EP300: variants seen among roughly 807,000 people sequenced by gnomAD.
The protein encoded by EP300 is EP300 lysine acetyltransferase.
In EP300, 31 loss-of-function variants were observed where a neutral mutation model predicts 264.0. That is an observed-to-expected ratio of 0.12 (90% confidence interval 0.09 to 0.16). The LOEUF is 0.16. Among genes scored for constraint, EP300 ranks in the 10% least tolerant of loss-of-function variants. EP300 has a pLI of 1.00. For missense variants in EP300, 2,766 were observed against 3,052.9 expected, an observed-to-expected ratio of 0.91 and a Z score of 2.21; for synonymous variants, 1,340 against 1,045.4, an observed-to-expected ratio of 1.28 and a Z score of -5.44.
rs536918184 is a variant in EP300, at chr22:41,116,543, C to T, written c.95-644C>T. On this transcript the variant is annotated intron_variant, in intron 1 of 30. Transcript: ENST00000263253. Reference sequence around the variant, plus strand: ...GTCCCTGCAAAGGACATGAACTCATCCTTTTTTATGGCTGCATAGTATTCC... The same window carrying T: ...GTCCCTGCAAAGGACATGAACTCATTCTTTTTTATGGCTGCATAGTATTCC... Among the ~76,000 whole-genome samples, 5 of 152,244 alleles carry T rather than the reference C, an allele frequency of 3.3e-5. No homozygotes were observed. The East Asian group carries it at 7.7e-4, about 23-fold the overall frequency.
intron 20 of EP300, among the ~76,000 whole-genome samples, 190 bp downstream of exon 20, chr22:41,160,912 A>G (rs1284849891): frequency 1.3e-5 from 2 of 152,264 alleles, no homozygotes; most frequent in Admixed American, 6.5e-5. Flanking sequence ...TCAACTGTTC[A>G]GTAGCTATCT....
intron 3 of EP300, chr22:41,126,394 G>A (rs1002006812): frequency 5.7e-5 from 13 of 227,894 alleles, no homozygotes; most frequent in African/African-American, 2.5e-4. Flanking sequence ...CAAAGGATCC[G>A]AACTCTCAGT....
intron 1 of EP300, among the ~76,000 whole-genome samples, chr22:41,115,504 C>G (rs1419949625): frequency 6.6e-6 from 1 of 152,176 alleles, no homozygotes; most frequent in Non-Finnish European, 1.5e-5. Flanking sequence ...GCAGTTAAAG[C>G]TCACTACAAC....
rs564786569 is a variant in EP300 at position 41,149,155 on chromosome 22, G to T, written c.2359G>T (p.Gly787Cys). The T allele has an allele frequency of 1.2e-6, 2 of 1,613,792 alleles. No homozygotes were observed. Among genetic ancestry groups the T allele is most frequent in the South Asian group, 2.2e-5 (2 of 91,072 alleles). ...VTNIPLAPSS[G>C]QAPVSQAQMS... Reference sequence around the variant, plus strand: ...AAATATCCCTTTGGCTCCGTCCAGCGGTCAAGCTCCAGTGTCTCAAGTATG... The same window carrying T: ...AAATATCCCTTTGGCTCCGTCCAGCTGTCAAGCTCCAGTGTCTCAAGTATG... Residue 787 changes from glycine (G) to cysteine (C), a missense_variant, in exon 13 of 31, where the codon GGT (glycine) becomes TGT (cysteine). Gly to Cys is a radical substitution (Grantham distance 159). Coordinates refer to ENST00000263253, the MANE Select transcript of EP300 (RefSeq NM_001429.4).
intron 1 of EP300, among the ~76,000 whole-genome samples, chr22:41,112,187 C>CAAGATGA (rs2058795938): frequency 6.6e-6 from 1 of 150,938 alleles, no homozygotes; most frequent in African/African-American, 2.4e-5. Flanking sequence ...CATGCCTGGC[C>CAAGATGA]ACCTATTTTT....
intron 1 of EP300, 107 bp downstream of exon 1, chr22:41,093,205 C>T: frequency 8.9e-7 from 1 of 1,125,534 alleles, no homozygotes; most frequent in Middle Eastern, 2.4e-4. Context: ...GTTCCCTGCC[C>T]CTTAATTAAT....
chr22:41,149,639 A>G, intron 13 of EP300, 122 bp from the exon 14 acceptor site: 1 of 1,041,326 alleles, frequency 9.6e-7, no homozygotes, highest in Non-Finnish European at 1.4e-6. Flanking sequence ...ACATTTTGAA[A>G]TAGACACATT....
chr22:41,141,157 G>T lies in EP300; in HGVS notation c.1988G>T (p.Gly663Val), dbSNP rs148463226. The T allele has an allele frequency of 2.4e-5, 38 of 1,614,172 alleles. No homozygotes were observed. Among genetic ancestry groups the T allele is most frequent in the Admixed American group, 2.2e-4 (13 of 60,024 alleles). Reference sequence around the variant, plus strand: ...CAGAACATGCTACCAAATGCTGCAGGCATGGTTCCAGTTTCCATGAATCCA... The same window carrying T: ...CAGAACATGCTACCAAATGCTGCAGTCATGGTTCCAGTTTCCATGAATCCA... ...QKQNMLPNAAGMVPVSMNPGP... is the reference protein window; with the variant it reads ...QKQNMLPNAAVMVPVSMNPGP... The change falls in exon 10 of 31, where the codon GGC becomes GTC. Residue 663 changes from glycine (G) to valine (V), a missense_variant. Transcript: ENST00000263253.
rs1219785625 is a variant in EP300 at position 41,117,272 on chromosome 22, T to C, written c.180T>C (p.Asp60=). 2.0e-5 allele frequency: 33 copies of C among 1,614,102 alleles called. No individual in the cohort carries two copies. Among genetic ancestry groups the C allele is most frequent in the Non-Finnish European group, 2.7e-5 (32 of 1,180,036 alleles). Residue 60 remains aspartate, a synonymous_variant, in exon 2 of 31, where the codon GAT becomes GAC. Transcript: ENST00000263253. Reference sequence around the variant, plus strand: ...AATTGGGACTAACCAATGGTGGTGATATTAATCAGCTTCAGACAAGTCTTG... The same window carrying C: ...AATTGGGACTAACCAATGGTGGTGACATTAATCAGCTTCAGACAAGTCTTG... ...STELGLTNGG[D]INQLQTSLGM...
chr22:41,113,154 T>TCCTCC (rs146149759), intron 1 of EP300, among the ~76,000 whole-genome samples: 1 of 68,334 alleles, frequency 1.5e-5, no homozygotes, highest in Admixed American at 2.1e-4. Context: ...GAATCAGGAT[T>TCCTCC]CCACCCCCCC....
At chr22:41,170,352 C>T (rs1053782146) in intron 26 of EP300, 54 bp from the exon 27 acceptor site, 43 of 1,552,522 alleles carry the variant, frequency 2.8e-5, no homozygotes, top group Non-Finnish European at 3.6e-5. Context: ...AAAATGTAGC[C>T]TTCTAGAATA....
chr22:41,140,917 C>T (rs1301034483), intron 9 of EP300, 131 bp from the exon 10 acceptor site: 1 of 846,370 alleles, frequency 1.2e-6, no homozygotes, highest in African/African-American at 1.7e-5. Flanking sequence ...ACTTTCCTTT[C>T]TAAATTGGCA....
chr22:41,168,521 C>T lies in EP300; in HGVS notation c.3947C>T (p.Pro1316Leu). 1.9e-6 allele frequency: 3 copies of T among 1,614,186 alleles called. No individual in the cohort carries two copies. Among genetic ancestry groups the T allele is most frequent in the Non-Finnish European group, 2.5e-6 (3 of 1,180,022 alleles). ...GACTTTCTGAGGCGACAGAATCACCCTGAGTCAGGAGAGGTCACTGTTAGA... is the reference window on the plus strand; with the variant it reads ...GACTTTCTGAGGCGACAGAATCACCTTGAGTCAGGAGAGGTCACTGTTAGA... ...VNDFLRRQNHPESGEVTVRVV... is the reference protein window; with the variant it reads ...VNDFLRRQNHLESGEVTVRVV... Residue 1316 changes from proline to leucine, a missense_variant, in exon 24 of 31, where the codon CCT (proline) becomes CTT (leucine). Transcript: ENST00000263253.
At chr22:41,131,027 C>T (rs891384607) in intron 5 of EP300, among the ~76,000 whole-genome samples, 3 of 152,148 alleles carry the variant, frequency 2.0e-5, no homozygotes, top group African/African-American at 7.2e-5. Flanking sequence ...ATATAATTCA[C>T]TATTAAGAAG....
At chr22:41,163,291 C>T (rs1018063228) in intron 21 of EP300, among the ~76,000 whole-genome samples, 4 of 151,056 alleles carry the variant, frequency 2.6e-5, no homozygotes, top group Admixed American at 6.6e-5. Context: ...AAAAATTAGC[C>T]GGGCGTAGTG....
chr22:41,129,843 T>G (rs1273342709), intron 4 of EP300, 47 bp from the exon 5 acceptor site: 1 of 1,471,572 alleles, frequency 6.8e-7, no homozygotes, highest in African/African-American at 1.4e-5. Flanking sequence ...ATTATTAATG[T>G]AAAAACATTA....
intron 3 of EP300, 32 bp from the exon 4 acceptor site, chr22:41,127,455 C>G: frequency 6.2e-7 from 1 of 1,613,008 alleles, no homozygotes; most frequent in Non-Finnish European, 8.5e-7. Flanking sequence ...CATTATGACT[C>G]CTACCATTAA....
In EP300 at chr22:41,092,995, A is replaced by G. The variant is rs770913707; in HGVS notation, c.-10A>G. The G allele has an allele frequency of 1.2e-6, 2 of 1,614,142 alleles. No homozygotes were observed. The highest frequency in any genetic ancestry group is 3.3e-5 in the Admixed American group (2 of 60,032). On this transcript the variant is annotated 5_prime_UTR_variant, in exon 1 of 31. Transcript: ENST00000263253. ...GGTTTTCCTCGCTTGTATCTCCGAA[A>G]GAATTAAAAATGGCCGAGAATGTGG...
intron 2 of EP300, among the ~76,000 whole-genome samples, chr22:41,118,802 A>G (rs977762939): frequency 6.2e-4 from 58 of 92,836 alleles, no homozygotes; most frequent in African/African-American, 1.8e-3. Flanking sequence ...AAGGGGAAAA[A>G]AAAAAAAAGA....
Sources: allele counts gnomAD v4.1 joint callset (sites outside exome capture counted in the v4.1 genomes callset), GRCh38; gene constraint gnomAD v4.1.1; transcripts MANE v1.5; gene names NCBI Gene and HGNC (gene_info 2026-07-23, HGNC 2026-07-21).